The following DNASE1 variants were observed in gnomAD, a reference collection of about 807,000 sequenced individuals.
The protein encoded by DNASE1 is deoxyribonuclease 1.
In DNASE1, 40 loss-of-function variants were observed where a neutral mutation model predicts 33.9. The observed-to-expected ratio is 1.18, with a 90% CI of 0.92 to 1.54. DNASE1 has a LOEUF of 1.54. DNASE1 is among the 40% of genes most tolerant of loss of function. The pLI, the probability that DNASE1 is intolerant of heterozygous loss-of-function variation, is 0.00. For synonymous variants in DNASE1, 216 were observed against 160.0 expected (o/e 1.35, Z -2.64); for missense variants, 518 against 372.6 (o/e 1.39, Z -3.21).
intron 1 of DNASE1, among the ~76,000 whole-genome samples, chr16:3,616,598 G>T (rs984567562): frequency 3.3e-5 from 5 of 152,184 alleles, no homozygotes; most frequent in Non-Finnish European, 5.9e-5. Flanking sequence ...TCCAGCCTGG[G>T]TGATACAGTG....
chr16:3,633,757 C>T (rs1274359178), intron 1 of DNASE1, among the ~76,000 whole-genome samples: 3 of 152,076 alleles, frequency 2.0e-5, no homozygotes, highest in African/African-American at 7.2e-5. Context: ...CCTTACTGTC[C>T]CTTATGATAT....
downstream of DNASE1, chr16:3,658,114 C>G: frequency 6.2e-7 from 1 of 1,613,600 alleles, no homozygotes; most frequent in Non-Finnish European, 8.5e-7. Flanking sequence ...GTCAGTCCTT[C>G]TGGCCCCCTG....
chr16:3,643,642 CACTGGG>C (rs533031700), intron 1 of DNASE1, among the ~76,000 whole-genome samples: 61 of 152,356 alleles, frequency 4.0e-4, no homozygotes, highest in East Asian at 3.7e-3. Flanking sequence ...CAACCAGGTA[CACTGGG>C]AAAGGGGACC....
chr16:3,628,166 A>G (rs55850425), intron 1 of DNASE1, among the ~76,000 whole-genome samples: 8,325 of 152,202 alleles, frequency 0.055, 282 homozygotes, highest in Admixed American at 0.073. Flanking sequence ...CTCCTTGGTT[A>G]AAAGTCCTAG....
chr16:3,626,279 C>A (rs886504572), intron 1 of DNASE1, among the ~76,000 whole-genome samples: 1 of 151,504 alleles, frequency 6.6e-6, no homozygotes, highest in African/African-American at 2.4e-5. Flanking sequence ...CTTATTTAGT[C>A]AAAGAAAATG....
At chr16:3,620,707 G>GTT in intron 1 of DNASE1, among the ~76,000 whole-genome samples, 1 of 151,386 alleles carries the variant, frequency 6.6e-6, no homozygotes, top group East Asian at 1.9e-4. Context: ...GTATGTGTGT[G>GTT]TTTTTATTTC....
At chr16:3,644,205 AG>A (rs1318182277) in intron 1 of DNASE1, among the ~76,000 whole-genome samples, 1 of 151,974 alleles carries the variant, frequency 6.6e-6, no homozygotes, top group Non-Finnish European at 1.5e-5. Flanking sequence ...CACTTTGGGA[AG>A]CTGAGGTGAA....
downstream of DNASE1, chr16:3,658,612 G>A (rs549187794): frequency 1.6e-6 from 1 of 621,292 alleles, no homozygotes; most frequent in Non-Finnish European, 2.8e-6. Flanking sequence ...GGCAGAGGTT[G>A]TAGTGAGCCA....
chr16:3,661,987 C>G (rs750463851), downstream of DNASE1: 27 of 1,603,914 alleles, frequency 1.7e-5, 1 homozygote, highest in South Asian at 2.8e-4. Context: ...GTGGCCTCAC[C>G]TGGGGTTGAT....
chr16:3,641,787 G>C (rs1208539294), upstream of DNASE1, among the ~76,000 whole-genome samples: 1 of 152,174 alleles, frequency 6.6e-6, no homozygotes, highest in East Asian at 1.9e-4. Flanking sequence ...CTGCCCACTG[G>C]GAGGCCCACA....
intron 1 of DNASE1, among the ~76,000 whole-genome samples, chr16:3,627,492 G>T (rs55681847): frequency 1.3e-5 from 2 of 151,814 alleles, no homozygotes; most frequent in Non-Finnish European, 2.9e-5. Flanking sequence ...GCTCAGGCCC[G>T]TCTGGAACTC....
At chr16:3,658,322 T>G, downstream of DNASE1, 13 of 1,023,214 alleles carry the variant, frequency 1.3e-5, no homozygotes, top group African/African-American at 1.6e-5. Context: ...TTGCCGAGGC[T>G]GGAGTGCAGA....
intron 1 of DNASE1, among the ~76,000 whole-genome samples, chr16:3,630,172 TTTG>T (rs1291192587): frequency 1.3e-5 from 2 of 151,974 alleles, no homozygotes; most frequent in African/African-American, 2.4e-5. Context: ...TGTTTTGTTT[TTTG>T]TTGTTTTTGT....
exon 10 of DNASE1, chr16:3,664,285 T>C (rs745903267): frequency 1.3e-5 from 20 of 1,595,296 alleles, no homozygotes; most frequent in African/African-American, 2.7e-5. Context: ...TCTGTGTCTT[T>C]CTTCTTCATG....
At chr16:3,613,908 A>ATTTTTTTTTCTT (rs2041000425) in intron 1 of DNASE1, among the ~76,000 whole-genome samples, 5 of 113,148 alleles carry the variant, frequency 4.4e-5, no homozygotes, top group African/African-American at 1.9e-4. Flanking sequence ...CGCCTGGCTA[A>ATTTTTTTTTCTT]TTTTTTTTTT....
intron 1 of DNASE1, among the ~76,000 whole-genome samples, chr16:3,635,180 G>A (rs1249399849): frequency 2.6e-5 from 4 of 151,980 alleles, no homozygotes; most frequent in South Asian, 2.1e-4. Context: ...AAAGTAGACC[G>A]GGCGTGGTGG....
At position 3,655,417 on chromosome 16, in the gene DNASE1, C is replaced by T. The variant is rs757085573; in HGVS notation, c.44C>T (p.Ala15Val). The change falls in exon 2 of 9, where the codon GCC becomes GTC. Residue 15 changes from alanine to valine, a missense_variant. Ala to Val is a moderately conservative substitution (Grantham distance 64). Coordinates refer to ENST00000246949, the MANE Select transcript of DNASE1 (RefSeq NM_005223.4). ...KLLGALLALA[A>V]LLQGAVSLKI... Reference sequence around the variant, plus strand: ...CTGGGGGCGCTGCTGGCACTGGCGGCCCTACTGCAGGGGGCCGTGTCCCTG... The same window carrying T: ...CTGGGGGCGCTGCTGGCACTGGCGGTCCTACTGCAGGGGGCCGTGTCCCTG... 6 of 1,613,850 alleles carry T rather than the reference C, an allele frequency of 3.7e-6. No individual in the cohort carries two copies. Among genetic ancestry groups the T allele is most frequent in the Non-Finnish European group, 4.2e-6 (5 of 1,179,976 alleles).
At chr16:3,612,219 A>C (rs1229024648) in intron 1 of DNASE1, among the ~76,000 whole-genome samples, 1 of 150,556 alleles carries the variant, frequency 6.6e-6, no homozygotes, top group Non-Finnish European at 1.5e-5. Flanking sequence ...TTTGAGCTTC[A>C]ACTTGGGGTC....
rs372063579 is a variant in DNASE1, at chr16:3,657,024, C to G, written c.462C>G (p.Pro154=). ...FTEVREFAIV[P]LHAAPGDAVA... ...AGGTCAGGGAGTTTGCCATTGTTCC[C>G]CTGCATGCGGCCCCGGGGGACGCAG... is the stretch of plus-strand genomic sequence containing the variant. The change falls in exon 6 of 9, where the codon CCC becomes CCG. Residue 154 remains proline (P), a synonymous_variant. Coordinates refer to ENST00000246949, the MANE Select transcript of DNASE1 (RefSeq NM_005223.4). The G allele has an allele frequency of 1.2e-6, 2 of 1,613,758 alleles. No individual in the cohort carries two copies. Among genetic ancestry groups the G allele is most frequent in the African/African-American group, 1.3e-5 (1 of 74,926 alleles).
Sources: allele counts gnomAD v4.1 joint callset (sites outside exome capture counted in the v4.1 genomes callset), GRCh38; gene constraint gnomAD v4.1.1; transcripts MANE v1.5; gene names NCBI Gene and HGNC (gene_info 2026-07-23, HGNC 2026-07-21).